RXRA: variants seen among roughly 807,000 people sequenced by gnomAD.
The protein encoded by RXRA is retinoid X receptor alpha.
RXRA carries 5 observed loss-of-function variants against 44.5 expected under a neutral mutation model. The observed-to-expected ratio is 0.11, with a 90% CI of 0.06 to 0.24. The LOEUF (loss-of-function observed/expected upper bound fraction) is 0.24, where lower values mean the gene tolerates loss of function less well. Ranked by LOEUF, RXRA falls within the 10% of genes least tolerant of loss-of-function variation. RXRA has a pLI of 1.00. For synonymous variants in RXRA, 291 were observed against 271.4 expected, an observed-to-expected ratio of 1.07 and a Z score of -0.71; for missense variants, 412 against 646.5, an observed-to-expected ratio of 0.64 and a Z score of 3.93.
At chr9:134,401,930 G>T in intron 2 of RXRA, 48 bp downstream of exon 2, 1 of 1,438,250 alleles carries the variant, frequency 7.0e-7, no homozygotes, top group Non-Finnish European at 9.4e-7. Context: ...CTGGGGTGGG[G>T]CTGTGGCTTC....
At chr9:134,379,716 C>T in intron 1 of RXRA, 1 of 985,396 alleles carries the variant, frequency 1.0e-6, no homozygotes, top group Non-Finnish European at 1.2e-6. Flanking sequence ...TGAGGCCCAG[C>T]CTGGGCGGGT....
intron 1 of RXRA, 121 bp downstream of exon 1, chr9:134,326,780 C>T (rs544924635): frequency 2.1e-4 from 41 of 197,646 alleles, no homozygotes; most frequent in Non-Finnish European, 3.3e-4. Flanking sequence ...CCGCTCGGAC[C>T]CCTCGCCGAC....
chr9:134,362,843 C>T (rs559072472), intron 1 of RXRA, among the ~76,000 whole-genome samples: 26 of 152,332 alleles, frequency 1.7e-4, no homozygotes, highest in Middle Eastern at 3.4e-3. Flanking sequence ...CCCACTTGGA[C>T]GGGGATCCTG....
intron 1 of RXRA, among the ~76,000 whole-genome samples, chr9:134,397,460 G>C (rs928069608): frequency 6.6e-6 from 1 of 151,938 alleles, no homozygotes; most frequent in African/African-American, 2.4e-5. Flanking sequence ...CCGGCCTCCA[G>C]GTATCTGCAC....
chr9:134,364,829 T>C (rs1035943778), intron 1 of RXRA, among the ~76,000 whole-genome samples: 2 of 152,086 alleles, frequency 1.3e-5, no homozygotes, highest in African/African-American at 2.4e-5. Flanking sequence ...GGGTCCCTAG[T>C]GTTGGTGGCT....
At chr9:134,409,172 G>A in intron 4 of RXRA, 53 bp downstream of exon 4, 5 of 1,477,680 alleles carry the variant, frequency 3.4e-6, no homozygotes, top group East Asian at 2.5e-5. Context: ...AAACAGTGGG[G>A]CCCGGGCTTG....
intron 6 of RXRA, chr9:134,422,419 T>C: frequency 8.1e-7 from 1 of 1,241,326 alleles, no homozygotes. Flanking sequence ...CATTCCACTC[T>C]CCCTGGACGC....
intron 1 of RXRA, among the ~76,000 whole-genome samples, chr9:134,369,994 G>A (rs58403320): frequency 0.25 from 38,093 of 152,120 alleles, 4,939 homozygotes; most frequent in Admixed American, 0.31. Flanking sequence ...TCAGAGCCTC[G>A]GTGCACCGAG....
At chr9:134,396,925 G>A (rs983370884) in intron 1 of RXRA, among the ~76,000 whole-genome samples, 12 of 152,214 alleles carry the variant, frequency 7.9e-5, no homozygotes, top group African/African-American at 2.7e-4. Context: ...TCCAAGGGCC[G>A]GAGGTTCCCT....
intron 1 of RXRA, among the ~76,000 whole-genome samples, chr9:134,333,873 C>G (rs1554746984): frequency 6.6e-6 from 1 of 152,202 alleles, no homozygotes; most frequent in South Asian, 2.1e-4. Context: ...TGTGCCTCTG[C>G]CGGGACTCCC....
In RXRA at chr9:134,408,955, T is replaced by G; in HGVS notation, c.446T>G (p.Val149Gly). Residue 149 changes from valine to glycine, a missense_variant, in exon 4 of 10, where the codon GTG (valine) becomes GGG (glycine). Coordinates refer to ENST00000481739, the MANE Select transcript of RXRA (RefSeq NM_002957.6). ...GDRSSGKHYG[V>G]YSCEGCKGFF... The stretch of plus-strand genomic sequence containing the variant: ...TGTCCCGCAGGCAAGCACTATGGAG[T>G]GTACAGCTGCGAGGGGTGCAAGGGC... 1 of 1,582,464 alleles carries G rather than the reference T, an allele frequency of 6.3e-7. No individual in the cohort carries two copies. The highest frequency in any genetic ancestry group is 8.6e-7 in the Non-Finnish European group (1 of 1,163,974).
At chr9:134,370,298 GGCTGC>G (rs774072682) in intron 1 of RXRA, among the ~76,000 whole-genome samples, 1 of 152,208 alleles carries the variant, frequency 6.6e-6, no homozygotes, top group Non-Finnish European at 1.5e-5. Context: ...CCTCGGGCAG[GGCTGC>G]GCTGAGCTTG....
chr9:134,355,930 G>A (rs552369034), intron 1 of RXRA, among the ~76,000 whole-genome samples: 1 of 152,224 alleles, frequency 6.6e-6, no homozygotes, highest in African/African-American at 2.4e-5. Context: ...CCAGGTGTCA[G>A]ACAAGCCCTG....
Position 134,434,124 on chromosome 9 carries a change from G to T in RXRA, c.1158G>T (p.Pro386=), listed in dbSNP as rs750236508. 4 of 1,613,726 alleles carry T rather than the reference G, an allele frequency of 2.5e-6. No individual in the cohort carries two copies. The South Asian group carries it at 4.4e-5, about 18-fold the overall frequency. ...CAGACTCCAAGGGGCTCTCGAACCC[G>T]GCCGAGGTGGAGGCGCTGAGGGAGA... ...FNPDSKGLSN[P]AEVEALREKV... The change falls in exon 9 of 10, where the codon CCG becomes CCT. Residue 386 remains proline, a synonymous_variant. Transcript: ENST00000481739.
rs535923918 is a variant in RXRA at position 134,373,448 on chromosome 9, G to GC, written c.29-28181dup. On this transcript the variant is annotated intron_variant, in intron 1 of 9. Coordinates refer to ENST00000481739, the MANE Select transcript of RXRA (RefSeq NM_002957.6). ...AACCCTGTGTTTTCCCAGGCCGTTG[G>GC]CCCATTTTCCAGATGAGAATACTGC... Among the ~76,000 whole-genome samples, 1,086 of 152,372 alleles carry GC rather than the reference G, an allele frequency of 7.1e-3. 14 individuals carry two copies. The highest frequency in any genetic ancestry group is 0.025 in the African/African-American group (1,027 of 41,586).
chr9:134,440,090 G>GT lies in RXRA; in HGVS notation c.*3477dup, dbSNP rs1831705870. 6.6e-6 allele frequency: 1 copy of GT among 150,594 alleles called. No homozygotes were observed. Among genetic ancestry groups the GT allele is most frequent in the Admixed American group, 6.6e-5 (1 of 15,212 alleles). 9.3% of individuals were successfully genotyped at this position (150,594 alleles called of 1,614,324 possible). ...GAAAATGTCTAAAGCATCTGGAAAG[G>GT]TAAAAAAAAAAAATCTATTTTTGTA... On this transcript the variant is annotated 3_prime_UTR_variant, in exon 10 of 10. Coordinates refer to ENST00000481739, the MANE Select transcript of RXRA (RefSeq NM_002957.6).
intron 1 of RXRA, among the ~76,000 whole-genome samples, chr9:134,384,256 C>T (rs79183758): frequency 5.3e-5 from 8 of 152,294 alleles, no homozygotes; most frequent in African/African-American, 1.2e-4. Context: ...TTCAGTGTCA[C>T]CCCTCGGGAG....
intron 4 of RXRA, among the ~76,000 whole-genome samples, chr9:134,415,780 G>A (rs866273456): frequency 6.6e-6 from 1 of 152,210 alleles, no homozygotes; most frequent in South Asian, 2.1e-4. Context: ...GAGGAGATAC[G>A]GTGGGAAGGG....
intron 6 of RXRA, chr9:134,424,603 G>T: frequency 1.0e-6 from 1 of 985,414 alleles, no homozygotes. Context: ...TCTGTCTGCC[G>T]GGGCCAGCAG....
Sources: gnomAD v4.1 joint callset for allele counts (sites outside exome capture counted in the v4.1 genomes callset) on GRCh38, gnomAD v4.1.1 for gene constraint, MANE v1.5 for transcripts, NCBI Gene and HGNC (gene_info 2026-07-23, HGNC 2026-07-21) for gene names.